The following TRIM2 variants were observed in gnomAD, a reference collection of about 807,000 sequenced individuals.
TRIM2 encodes tripartite motif containing 2.
TRIM2 carries 20 observed loss-of-function variants against 75.2 expected under a neutral mutation model. That is an observed-to-expected ratio of 0.27 (90% CI 0.19 to 0.39). The LOEUF (loss-of-function observed/expected upper bound fraction) is 0.39. Among genes scored for constraint, TRIM2 ranks in the 10% least tolerant of loss-of-function variants. TRIM2 has a pLI of 1.00. For missense variants in TRIM2, 660 were observed against 990.8 expected, an observed-to-expected ratio of 0.67 and a Z score of 4.48; for synonymous variants, 373 against 388.3, an observed-to-expected ratio of 0.96 and a Z score of 0.46.
rs1762387115 is a variant in TRIM2 at position 153,294,380 on chromosome 4, C to T, written c.681C>T (p.Ile227=). ...IHQLTNQKAS[I]VDDIHSTFDE... ...AGTTAACCAACCAAAAGGCCAGCAT[C>T]GTGGATGACATTCATTCCACCTTTG... The change falls in exon 5 of 12, where the codon ATC becomes ATT. Residue 227 remains isoleucine, a synonymous_variant. Transcript: ENST00000338700. The T allele has an allele frequency of 2.5e-6, 4 of 1,614,032 alleles. No individual in the cohort carries two copies. The highest frequency in any genetic ancestry group is 3.4e-6 in the Non-Finnish European group (4 of 1,180,032).
At chr4:153,212,078 TG>T (rs1160253310) in intron 1 of TRIM2, among the ~76,000 whole-genome samples, 1 of 152,196 alleles carries the variant, frequency 6.6e-6, no homozygotes, top group African/African-American at 2.4e-5. Flanking sequence ...CCTGTCAGAA[TG>T]GCCTCTCTGC....
At chr4:153,315,380 C>A in intron 6 of TRIM2, 105 bp from the exon 7 acceptor site, 1 of 872,980 alleles carries the variant, frequency 1.1e-6, no homozygotes, top group Non-Finnish European at 1.7e-6. Flanking sequence ...TATTTAAAAA[C>A]AATGCATTCT....
At position 153,248,160 on chromosome 4, in the gene TRIM2, T is replaced by A. The variant is rs1749833359; in HGVS notation, c.31-22175T>A. Among the ~76,000 whole-genome samples the A allele has an allele frequency of 6.6e-6, 1 of 152,074 alleles. No individual in the cohort carries two copies. Among genetic ancestry groups the A allele is most frequent in the Non-Finnish European group, 1.5e-5 (1 of 68,014 alleles). On this transcript the variant is annotated intron_variant, in intron 1 of 11. Transcript: ENST00000338700. This position sits in a 1 kb window ranked among gnomAD's most constrained non-coding sequence, Gnocchi z 4.0. ...ACAGGCGCCTGCCACCATGCCCGGC[T>A]AATTTTTATACTTTTAATAGAGACA...
At chr4:153,329,160 T>C (rs1770892171) in intron 11 of TRIM2, among the ~76,000 whole-genome samples, 1 of 152,164 alleles carries the variant, frequency 6.6e-6, no homozygotes, top group African/African-American at 2.4e-5. Context: ...TACTATTTCT[T>C]ATTATTTAAT....
chr4:153,300,971 A>C (rs531261635), intron 6 of TRIM2, among the ~76,000 whole-genome samples: 1 of 151,596 alleles, frequency 6.6e-6, no homozygotes, highest in African/African-American at 2.4e-5. Flanking sequence ...TGGGCGGATC[A>C]CCTGAGGGCA....
At chr4:153,211,494 T>TC (rs1209914791) in intron 1 of TRIM2, among the ~76,000 whole-genome samples, 4 of 147,166 alleles carry the variant, frequency 2.7e-5, no homozygotes, top group Admixed American at 2.7e-4. Flanking sequence ...TTTTCTTTTT[T>TC]TTTTTTTTTT....
At chr4:153,322,979 G>T (rs1205258011) in intron 9 of TRIM2, among the ~76,000 whole-genome samples, 163 bp downstream of exon 9, 1 of 152,178 alleles carries the variant, frequency 6.6e-6, no homozygotes, top group African/African-American at 2.4e-5. Context: ...CGTTGCTTGA[G>T]CCTTAGTCAC....
chr4:153,190,686 T>C (rs981043217), intron 1 of TRIM2, among the ~76,000 whole-genome samples: 2 of 152,144 alleles, frequency 1.3e-5, no homozygotes, highest in East Asian at 3.9e-4. Flanking sequence ...AGAGATGCAT[T>C]TGGACATTAG....
chr4:153,179,574 G>T (rs1437376107), intron 1 of TRIM2, among the ~76,000 whole-genome samples: 8 of 152,206 alleles, frequency 5.3e-5, no homozygotes, highest in African/African-American at 1.9e-4. Context: ...GCACTGCACA[G>T]ACTTTAGCTT....
intron 9 of TRIM2, among the ~76,000 whole-genome samples, chr4:153,323,596 C>T (rs1769469690): frequency 6.6e-6 from 1 of 152,192 alleles, no homozygotes; most frequent in Admixed American, 6.5e-5. Flanking sequence ...ATCCTCCTGC[C>T]TCAGCCCTCC....
chr4:153,166,458 G>T (rs185136347), intron 1 of TRIM2, among the ~76,000 whole-genome samples: 1 of 152,026 alleles, frequency 6.6e-6, no homozygotes, highest in African/African-American at 2.4e-5. Context: ...CCAAAAGGCA[G>T]TGCTGGAAGG....
chr4:153,212,041 C>T (rs554207413), intron 1 of TRIM2, among the ~76,000 whole-genome samples: 13 of 152,292 alleles, frequency 8.5e-5, no homozygotes, highest in South Asian at 6.2e-4. Flanking sequence ...TTGCTTCTAG[C>T]TTCTGGCGGT....
At chr4:153,193,102 C>A (rs928809966) in intron 1 of TRIM2, among the ~76,000 whole-genome samples, 15 of 151,476 alleles carry the variant, frequency 9.9e-5, no homozygotes, top group Non-Finnish European at 4.4e-5. Flanking sequence ...GCCTGCCTAC[C>A]ACAGAGGGAC....
chr4:153,162,535 G>A (rs1256110220), intron 1 of TRIM2, among the ~76,000 whole-genome samples: 1 of 152,174 alleles, frequency 6.6e-6, no homozygotes, highest in East Asian at 1.9e-4. Context: ...ATTATGGAGG[G>A]CAATCTTCTT....
chr4:153,173,959 T>C (rs1394005816), intron 1 of TRIM2, among the ~76,000 whole-genome samples: 1 of 151,830 alleles, frequency 6.6e-6, no homozygotes, highest in African/African-American at 2.4e-5. Context: ...AGTGAGACTG[T>C]CTCAAAATAT....
chr4:153,244,109 T>G (rs1747462322), intron 1 of TRIM2, among the ~76,000 whole-genome samples: 1 of 151,610 alleles, frequency 6.6e-6, no homozygotes, highest in Non-Finnish European at 1.5e-5. Flanking sequence ...CATGAGCTAC[T>G]GTGCCACTGC....
chr4:153,283,002 C>T (rs1759712115), intron 3 of TRIM2, among the ~76,000 whole-genome samples: 1 of 151,480 alleles, frequency 6.6e-6, no homozygotes, highest in African/African-American at 2.4e-5. Context: ...GGCTGGTCTC[C>T]AACTCCTAGG....
Position 153,295,934 on chromosome 4 carries a change from A to G in TRIM2, c.1408A>G (p.Ser470Gly). 4.4e-6 allele frequency: 7 copies of G among 1,597,674 alleles called. No homozygotes were observed. Among genetic ancestry groups the G allele is most frequent in the Non-Finnish European group, 6.0e-6 (7 of 1,172,428 alleles). The change falls in exon 6 of 12, where the codon AGC (serine) becomes GGC (glycine). Residue 470 changes from serine (S) to glycine (G), a missense_variant. Ser to Gly is a moderately conservative substitution (Grantham distance 56). This residue lies in a region of TRIM2 where 620 missense variants were observed against 891.0 expected (regional missense o/e 0.70). Transcript: ENST00000338700. The surrounding 1 kb of genome is among the most constrained non-coding windows in gnomAD (Gnocchi z 7.2). ...GVKRRVKSPG[S>G]GHVKQKAVKR... ...GAAGAGGCGCGTTAAGTCCCCGGGG[A>G]GCGGCCACGTCAAGCAGAAAGCTGT...
chr4:153,282,769 T>C (rs1022757351), intron 3 of TRIM2, among the ~76,000 whole-genome samples: 2 of 151,612 alleles, frequency 1.3e-5, no homozygotes, highest in South Asian at 2.1e-4. Flanking sequence ...TTTTTCTTTT[T>C]ATAATGATGT....
Sources: gnomAD v4.1 joint callset for allele counts (sites outside exome capture counted in the v4.1 genomes callset) on GRCh38, gnomAD v4.1.1 for gene constraint, gnomAD v4.1.1 regional missense constraint, Gnocchi (gnomAD v3.1) non-coding constraint, MANE v1.5 for transcripts, NCBI Gene and HGNC (gene_info 2026-07-23, HGNC 2026-07-21) for gene names.